Variants in ARMH3 observed in about 807,000 individuals in gnomAD.
ARMH3 encodes the protein armadillo like helical domain containing 3.
A neutral mutation model predicts 99.1 loss-of-function variants in ARMH3; 60 were observed. The ratio of observed to expected loss-of-function variants is 0.61; its 90% confidence interval spans 0.49 to 0.75. The LOEUF is 0.75. Among genes scored for constraint, ARMH3 ranks in the 30% least tolerant of loss-of-function variants. The probability of loss-of-function intolerance (pLI) is 0.00; values close to 1 mark genes in which losing one functional copy is unlikely to be tolerated. For missense variants in ARMH3, 679 were observed against 843.1 expected (o/e 0.81, Z 2.41); for synonymous variants, 285 against 292.8 (o/e 0.97, Z 0.27).
intron 8 of ARMH3, among the ~76,000 whole-genome samples, chr10:102,016,402 G>A (rs1311099797): frequency 6.6e-6 from 1 of 152,172 alleles, no homozygotes; most frequent in Non-Finnish European, 1.5e-5. Flanking sequence ...AATGAAGTAA[G>A]ACACATCAAA....
intron 14 of ARMH3, among the ~76,000 whole-genome samples, chr10:102,002,641 G>A (rs189992585): frequency 7.9e-5 from 12 of 152,054 alleles, no homozygotes; most frequent in African/African-American, 2.4e-4. Flanking sequence ...CCCGCTTAAG[G>A]GAACTGAAAG....
chr10:101,860,045 G>A (rs2066826444), intron 24 of ARMH3, among the ~76,000 whole-genome samples: 2 of 152,060 alleles, frequency 1.3e-5, no homozygotes, highest in South Asian at 4.1e-4. Flanking sequence ...TGTTAGTTAA[G>A]GCTAGCACTT....
At chr10:102,040,855 C>A (rs546786483) in intron 1 of ARMH3, among the ~76,000 whole-genome samples, 1 of 152,104 alleles carries the variant, frequency 6.6e-6, no homozygotes, top group East Asian at 1.9e-4. Context: ...AAGTGTGCTG[C>A]AGACTGATGT....
rs564728029 is a variant in ARMH3 at position 101,874,381 on chromosome 10, A to G, written c.1860+15031T>C. Among the ~76,000 whole-genome samples, 3 of 152,192 alleles carry G rather than the reference A, an allele frequency of 2.0e-5. No individual in the cohort carries two copies. The East Asian group carries it at 5.8e-4, about 29-fold the overall frequency. On this transcript the variant is annotated intron_variant, in intron 24 of 25. Coordinates refer to ENST00000370033, the MANE Select transcript of ARMH3 (RefSeq NM_024541.3). The stretch of plus-strand genomic sequence containing the variant: ...TCTTAATATTCCATTTTGGGTTGGG[A>G]CAAGAATGATTCAGACTGATACATC...
In ARMH3 at chr10:101,849,895, G is replaced by A. The variant is rs764776687; in HGVS notation, c.1861-3C>T. On this transcript the variant is annotated splice_region_variant and splice_polypyrimidine_tract_variant and intron_variant, in intron 24 of 25. Transcript: ENST00000370033. ...TTGGCTCTCACCACCTCCAGCACCT[G>A]GAGGACATCAAGGGCCAGGCAGGGC... 3 of 1,613,562 alleles carry A rather than the reference G, an allele frequency of 1.9e-6. No homozygotes were observed. In the Admixed American group the frequency reaches 5.0e-5, roughly 27 times the overall value.
chr10:101,936,783 A>T (rs74707729), intron 23 of ARMH3, among the ~76,000 whole-genome samples: 1,847 of 152,366 alleles, frequency 0.012, 48 homozygotes, highest in East Asian at 0.11. Flanking sequence ...TGAATGGATA[A>T]GTAAAATGTG....
chr10:101,856,330 C>G (rs1319648182), intron 24 of ARMH3, among the ~76,000 whole-genome samples: 1 of 152,196 alleles, frequency 6.6e-6, no homozygotes. Flanking sequence ...TTACTCAATA[C>G]TCATTTTAGA....
intron 20 of ARMH3, among the ~76,000 whole-genome samples, chr10:101,959,616 G>A (rs963719232): frequency 1.3e-5 from 2 of 152,180 alleles, no homozygotes; most frequent in African/African-American, 4.8e-5. Flanking sequence ...TTGCTCCTCT[G>A]CTGGACTACA....
intron 19 of ARMH3, among the ~76,000 whole-genome samples, chr10:101,980,022 T>C (rs908807916): frequency 2.0e-5 from 3 of 152,100 alleles, no homozygotes; most frequent in African/African-American, 7.3e-5. Context: ...ATTAGGACTT[T>C]TTTAGTTAAG....
intron 2 of ARMH3, among the ~76,000 whole-genome samples, chr10:102,036,212 G>A (rs1050295581): frequency 4.6e-5 from 7 of 151,326 alleles, no homozygotes; most frequent in African/African-American, 1.7e-4. Context: ...GGGAAGTGGG[G>A]GGTCAGCCCC....
chr10:101,886,503 C>A (rs1218030131), intron 24 of ARMH3, among the ~76,000 whole-genome samples: 1 of 152,076 alleles, frequency 6.6e-6, no homozygotes, highest in African/African-American at 2.4e-5. Flanking sequence ...GAGTGAGACT[C>A]TGTCTCAAAA....
intron 22 of ARMH3, among the ~76,000 whole-genome samples, chr10:101,944,366 T>G (rs1844423273): frequency 7.1e-6 from 1 of 140,416 alleles, no homozygotes; most frequent in Non-Finnish European, 1.5e-5. Context: ...TCAAAAAATT[T>G]GAAGAAATTA....
intron 22 of ARMH3, among the ~76,000 whole-genome samples, chr10:101,949,966 T>TG (rs992454516): frequency 1.3e-5 from 2 of 152,160 alleles, no homozygotes; most frequent in Non-Finnish European, 2.9e-5. Context: ...CATTCATTAA[T>TG]GACAACAATT....
chr10:101,903,222 T>G (rs528497285), intron 23 of ARMH3, among the ~76,000 whole-genome samples: 1 of 152,230 alleles, frequency 6.6e-6, no homozygotes, highest in African/African-American at 2.4e-5. Context: ...AAGGAATCTC[T>G]GTCCCTAGAA....
chr10:102,001,968 T>G lies in ARMH3; in HGVS notation c.1150+3A>C. 1 of 1,613,886 alleles carries G rather than the reference T, an allele frequency of 6.2e-7. No homozygotes were observed. The highest frequency in any genetic ancestry group is 8.5e-7 in the Non-Finnish European group (1 of 1,179,792). On this transcript the variant is annotated splice_donor_region_variant and intron_variant, in intron 15 of 25. Transcript: ENST00000370033. ...CTGAGCCCCCAAAATAGCTATGGCT[T>G]ACCTTTGGTGTCCTGCATGACAATT...
intron 23 of ARMH3, among the ~76,000 whole-genome samples, chr10:101,937,744 T>C (rs574404421): frequency 4.6e-5 from 7 of 152,178 alleles, no homozygotes; most frequent in South Asian, 2.1e-4. Flanking sequence ...TAAGTGAGAA[T>C]AGATGTCAGA....
intron 13 of ARMH3, among the ~76,000 whole-genome samples, chr10:102,007,833 CAAAAAAAAAAAAAA>C (rs529858697): frequency 8.2e-5 from 4 of 48,978 alleles, no homozygotes; most frequent in South Asian, 1.9e-3. Flanking sequence ...ACACCATCTC[CAAAAAAAAAAAAAA>C]AAAAAAAAAG....
At chr10:101,926,203 T>C (rs767367933) in intron 23 of ARMH3, among the ~76,000 whole-genome samples, 8 of 152,196 alleles carry the variant, frequency 5.3e-5, no homozygotes, top group Non-Finnish European at 1.2e-4. Context: ...ATTTTATTTT[T>C]TGGAGACAAG....
chr10:102,027,662 C>G (rs2136187300), intron 5 of ARMH3, among the ~76,000 whole-genome samples: 1 of 152,066 alleles, frequency 6.6e-6, no homozygotes. Context: ...AGACACTTAG[C>G]AGTCATCAAC....
Sources: gnomAD v4.1 joint callset for allele counts (sites outside exome capture counted in the v4.1 genomes callset) on GRCh38, gnomAD v4.1.1 for gene constraint, MANE v1.5 for transcripts, NCBI Gene and HGNC (gene_info 2026-07-23, HGNC 2026-07-21) for gene names.